Variants in LHFPL4 observed in about 807,000 individuals in gnomAD.
LHFPL4 encodes the protein LHFPL tetraspan subfamily member 4 protein.
In LHFPL4, 6 loss-of-function variants were observed where a neutral mutation model predicts 20.0. The ratio of observed to expected loss-of-function variants is 0.30; its 90% CI spans 0.16 to 0.59. The LOEUF is 0.59. Ranked by LOEUF, LHFPL4 falls within the 20% of genes least tolerant of loss-of-function variation. The pLI is 0.88. For synonymous variants in LHFPL4, 129 were observed against 143.8 expected, an observed-to-expected ratio of 0.90 and a Z score of 0.74; for missense variants, 215 against 331.2, an observed-to-expected ratio of 0.65 and a Z score of 2.72.
intron 2 of LHFPL4, among the ~76,000 whole-genome samples, chr3:9,536,172 A>G (rs1381363147): frequency 6.6e-6 from 1 of 152,182 alleles, no homozygotes; most frequent in Non-Finnish European, 1.5e-5. Flanking sequence ...TCTCACAGGG[A>G]GATCCCCCAG....
chr3:9,511,147 C>T lies in LHFPL4; in HGVS notation c.407-4944G>A, dbSNP rs1402255014. Reference sequence around the variant, plus strand: ...CAGGTGGATCACGAGGTCAGGAGTTCGAGACCATCTTGTCTAACACAGTGA... The same window carrying T: ...CAGGTGGATCACGAGGTCAGGAGTTTGAGACCATCTTGTCTAACACAGTGA... On this transcript the variant is annotated intron_variant, in intron 2 of 3. Transcript: ENST00000287585. Among the ~76,000 whole-genome samples the T allele has an allele frequency of 4.0e-5, 6 of 151,826 alleles. 1 individual carries two copies. The South Asian group carries it at 6.3e-4, about 16-fold the overall frequency.
chr3:9,521,994 C>T (rs1019128035), intron 2 of LHFPL4, among the ~76,000 whole-genome samples: 1 of 151,922 alleles, frequency 6.6e-6, no homozygotes, highest in Non-Finnish European at 1.5e-5. Context: ...TTTAATTGAA[C>T]ATTTTAAATG....
At chr3:9,517,038 C>A (rs911942183) in intron 2 of LHFPL4, among the ~76,000 whole-genome samples, 4 of 152,286 alleles carry the variant, frequency 2.6e-5, no homozygotes, top group Non-Finnish European at 5.9e-5. Flanking sequence ...GCCTCACCCT[C>A]CCAAAGTGCT....
At chr3:9,509,155 C>T (rs1241971925) in intron 2 of LHFPL4, among the ~76,000 whole-genome samples, 1 of 152,140 alleles carries the variant, frequency 6.6e-6, no homozygotes, top group Non-Finnish European at 1.5e-5. Flanking sequence ...TTGCTTTCCG[C>T]CTGCACGTTT....
chr3:9,552,424 T>C lies in LHFPL4; in HGVS notation c.256A>G (p.Thr86Ala). 6.2e-7 allele frequency: 1 copy of C among 1,613,666 alleles called. No individual in the cohort carries two copies. Among genetic ancestry groups the C allele is most frequent in the Non-Finnish European group, 8.5e-7 (1 of 1,179,912 alleles). ...TCRGSFTDFS[T>A]IPSSAFKAAA... ...GCCTTGAAGGCGCTGGACGGGATGG[T>C]GCTGAAGTCGGTGAAGGAGCCCCGG... The change falls in exon 2 of 4, where the codon ACC (threonine) becomes GCC (alanine). Residue 86 changes from threonine (T) to alanine (A), a missense_variant. By Grantham distance (58) the Thr-to-Ala change is moderately conservative (BLOSUM62 0). This residue lies in a region of LHFPL4 where 164 missense variants were observed against 286.7 expected (regional missense o/e 0.57). Coordinates refer to ENST00000287585, the MANE Select transcript of LHFPL4 (RefSeq NM_198560.3).
chr3:9,502,280 C>G lies in LHFPL4; in HGVS notation c.675G>C (p.Leu225Phe). The G allele has an allele frequency of 6.2e-7, 1 of 1,613,772 alleles. No individual in the cohort carries two copies. Among genetic ancestry groups the G allele is most frequent in the African/African-American group, 1.3e-5 (1 of 74,972 alleles). Residue 225 changes from leucine (L) to phenylalanine (F), a missense_variant, in exon 4 of 4, where the codon TTG (leucine) becomes TTC (phenylalanine). Physicochemically the swap from Leu to Phe is conservative, Grantham distance 22 (BLOSUM62 0). This residue lies in a region of LHFPL4 where 51 missense variants were observed against 44.5 expected (regional missense o/e 1.15). Coordinates refer to ENST00000287585, the MANE Select transcript of LHFPL4 (RefSeq NM_198560.3). ...ATCCAGAGACATCACCCCCGGGCCG[C>G]AACACGGAGCTTACTGTAGAGCCCA... The part of the protein sequence containing the change: ...DFVGSTVSSV[L>F]RPGGDVSGWG...
intron 2 of LHFPL4, among the ~76,000 whole-genome samples, chr3:9,510,367 A>G: frequency 6.6e-6 from 1 of 150,998 alleles, no homozygotes; most frequent in East Asian, 2.0e-4. Context: ...GAGCCGGAAG[A>G]TCAAGGCTGC....
At chr3:9,513,474 G>A (rs1290863790) in intron 2 of LHFPL4, among the ~76,000 whole-genome samples, 2 of 152,038 alleles carry the variant, frequency 1.3e-5, no homozygotes, top group Non-Finnish European at 2.9e-5. Flanking sequence ...TGGGACCACA[G>A]GTATGTGCCA....
chr3:9,504,109 G>GC (rs2046199082), intron 3 of LHFPL4, among the ~76,000 whole-genome samples: 1 of 152,096 alleles, frequency 6.6e-6, no homozygotes, highest in African/African-American at 2.4e-5. Context: ...GCTGGCTCAT[G>GC]CCTGTAATCC....
intron 2 of LHFPL4, among the ~76,000 whole-genome samples, chr3:9,542,850 T>G (rs954943877): frequency 1.3e-5 from 2 of 151,544 alleles, no homozygotes; most frequent in African/African-American, 4.8e-5. Flanking sequence ...TGATCCCATT[T>G]ATATGAAGTG....
At chr3:9,510,740 C>G (rs1574838819) in intron 2 of LHFPL4, among the ~76,000 whole-genome samples, 1 of 152,120 alleles carries the variant, frequency 6.6e-6, no homozygotes, top group East Asian at 1.9e-4. Context: ...GAGTTCGAGA[C>G]CAGCCTGGTC....
intron 2 of LHFPL4, among the ~76,000 whole-genome samples, chr3:9,517,558 G>A (rs949951944): frequency 3.3e-5 from 5 of 151,488 alleles, no homozygotes; most frequent in Non-Finnish European, 5.9e-5. Flanking sequence ...AAAAAATTTA[G>A]CCAGGTGTGG....
intron 2 of LHFPL4, among the ~76,000 whole-genome samples, chr3:9,518,704 A>G (rs530057905): frequency 8.0e-5 from 12 of 149,256 alleles, no homozygotes; most frequent in Non-Finnish European, 1.2e-4. Flanking sequence ...TTAAAAAAGC[A>G]TTTCTTTATT....
chr3:9,532,948 TC>T (rs749679215), intron 2 of LHFPL4, among the ~76,000 whole-genome samples: 6 of 152,180 alleles, frequency 3.9e-5, no homozygotes, highest in Non-Finnish European at 5.9e-5. Flanking sequence ...GGCAGAAGAT[TC>T]TGCTGCTGCA....
chr3:9,515,482 T>C (rs963604139), intron 2 of LHFPL4, among the ~76,000 whole-genome samples: 3 of 152,142 alleles, frequency 2.0e-5, no homozygotes, highest in Non-Finnish European at 4.4e-5. Context: ...CAAGCAATTC[T>C]CCTGCCTCAG....
chr3:9,513,389 T>C (rs927162285), intron 2 of LHFPL4, among the ~76,000 whole-genome samples: 2 of 152,166 alleles, frequency 1.3e-5, no homozygotes, highest in African/African-American at 2.4e-5. Flanking sequence ...TGGAGTGCAG[T>C]GGTGGGATCA....
At chr3:9,538,514 TTAAG>T (rs2046457415) in intron 2 of LHFPL4, among the ~76,000 whole-genome samples, 1 of 152,210 alleles carries the variant, frequency 6.6e-6, no homozygotes, top group South Asian at 2.1e-4. Context: ...CTAACGTTTA[TTAAG>T]TGTTTTGTTT....
chr3:9,544,325 G>A (rs1336481481), intron 2 of LHFPL4, among the ~76,000 whole-genome samples: 7 of 151,808 alleles, frequency 4.6e-5, no homozygotes, highest in African/African-American at 7.3e-5. Context: ...ATGAACTGCT[G>A]TCTACAAGTA....
intron 2 of LHFPL4, among the ~76,000 whole-genome samples, chr3:9,507,224 G>A (rs1042410230): frequency 6.6e-6 from 1 of 152,244 alleles, no homozygotes; most frequent in Non-Finnish European, 1.5e-5. Context: ...CCATATGCCA[G>A]GCACTAGACC....
Sources: gnomAD v4.1 joint callset for allele counts (sites outside exome capture counted in the v4.1 genomes callset) on GRCh38, gnomAD v4.1.1 for gene constraint, gnomAD v4.1.1 regional missense constraint, MANE v1.5 for transcripts, NCBI Gene and HGNC (gene_info 2026-07-23, HGNC 2026-07-21) for gene names.